The following FSTL5 variants were observed in gnomAD, a reference collection of about 807,000 sequenced individuals.
FSTL5 encodes the protein follistatin like 5.
In FSTL5, 62 loss-of-function variants were observed where a neutral mutation model predicts 89.1. The ratio of observed to expected loss-of-function variants is 0.70; its 90% CI spans 0.57 to 0.86. The LOEUF (loss-of-function observed/expected upper bound fraction) is 0.86, where lower values mean the gene tolerates loss of function less well. Ranked by LOEUF, FSTL5 falls within the 40% of genes least tolerant of loss-of-function variation. The pLI is 0.00. For missense variants in FSTL5, 1,057 were observed against 1,001.6 expected (o/e 1.06, Z -0.75); for synonymous variants, 383 against 346.2 (o/e 1.11, Z -1.18).
At chr4:161,611,790 A>T (rs930177466) in intron 7 of FSTL5, among the ~76,000 whole-genome samples, 32 of 152,206 alleles carry the variant, frequency 2.1e-4, no homozygotes, top group Admixed American at 5.9e-4. Context: ...CAGAAATAGA[A>T]ATGTTGAAAA....
intron 6 of FSTL5, among the ~76,000 whole-genome samples, chr4:161,659,794 C>T (rs1299442252): frequency 6.6e-6 from 1 of 152,182 alleles, no homozygotes; most frequent in African/African-American, 2.4e-5. Context: ...CTTTTATTAA[C>T]TATGGTTAAT....
At chr4:161,928,594 T>C (rs1034456501) in intron 3 of FSTL5, among the ~76,000 whole-genome samples, 1 of 151,808 alleles carries the variant, frequency 6.6e-6, no homozygotes, top group Non-Finnish European at 1.5e-5. Context: ...GTCTGCAATG[T>C]TTTGGATTTT....
At chr4:161,829,851 A>G (rs1050106169) in intron 4 of FSTL5, among the ~76,000 whole-genome samples, 2 of 152,070 alleles carry the variant, frequency 1.3e-5, no homozygotes, top group African/African-American at 4.8e-5. Context: ...CATCCTGCCA[A>G]TTTTCCTTAA....
chr4:161,740,761 G>A (rs569755211), intron 6 of FSTL5, among the ~76,000 whole-genome samples: 94 of 152,298 alleles, frequency 6.2e-4, no homozygotes, highest in African/African-American at 2.2e-3. Flanking sequence ...ATCATATTAT[G>A]TACTCAAATA....
intron 14 of FSTL5, among the ~76,000 whole-genome samples, chr4:161,458,628 CA>C (rs1733449445): frequency 6.6e-6 from 1 of 152,114 alleles, no homozygotes; most frequent in Non-Finnish European, 1.5e-5. Context: ...TTTCCAGGGC[CA>C]AAAACTCCTT....
intron 3 of FSTL5, among the ~76,000 whole-genome samples, chr4:162,030,996 A>G (rs1212620787): frequency 6.6e-6 from 1 of 152,180 alleles, no homozygotes; most frequent in Non-Finnish European, 1.5e-5. Flanking sequence ...TTAATGTACA[A>G]TATTTTAACA....
intron 6 of FSTL5, among the ~76,000 whole-genome samples, chr4:161,721,717 C>T (rs1272524430): frequency 6.6e-6 from 1 of 152,138 alleles, no homozygotes; most frequent in Non-Finnish European, 1.5e-5. Context: ...ATATAAGTCA[C>T]ACTGCGTCAG....
At chr4:162,098,317 T>C (rs1254800743) in intron 2 of FSTL5, among the ~76,000 whole-genome samples, 1 of 151,882 alleles carries the variant, frequency 6.6e-6, no homozygotes, top group Non-Finnish European at 1.5e-5. Flanking sequence ...CTAGAAGAAA[T>C]GGAAGCGGAG....
At chr4:161,726,542 A>C (rs966122760) in intron 6 of FSTL5, among the ~76,000 whole-genome samples, 5 of 151,948 alleles carry the variant, frequency 3.3e-5, no homozygotes, top group African/African-American at 9.7e-5. Flanking sequence ...TGCAACTCTC[A>C]ATACCGTAAA....
intron 4 of FSTL5, among the ~76,000 whole-genome samples, chr4:161,799,219 G>A (rs545425168): frequency 4.0e-4 from 61 of 151,584 alleles, no homozygotes; most frequent in Non-Finnish European, 6.7e-4. Flanking sequence ...AAGAGCTTGC[G>A]GCAGTTTATA....
At chr4:161,998,945 C>A (rs544435151) in intron 3 of FSTL5, among the ~76,000 whole-genome samples, 110 of 151,654 alleles carry the variant, frequency 7.3e-4, no homozygotes, top group Non-Finnish European at 1.3e-3. Context: ...TTTTGTCAGT[C>A]TAAAGATCTC....
At chr4:162,096,102 T>C (rs1308214276) in intron 2 of FSTL5, among the ~76,000 whole-genome samples, 1 of 151,952 alleles carries the variant, frequency 6.6e-6, no homozygotes, top group African/African-American at 2.4e-5. Flanking sequence ...CCAGTGATGC[T>C]TTTGTAGTAG....
Position 161,542,524 on chromosome 4 carries a change from A to T in FSTL5, c.1177+8T>A, listed in dbSNP as rs1411894530. 7.0e-7 allele frequency: 1 copy of T among 1,425,790 alleles called. No individual in the cohort carries two copies. Among genetic ancestry groups the T allele is most frequent in the African/African-American group, 1.5e-5 (1 of 68,454 alleles). The allele number at this position is 1,425,790 out of a possible 1,614,324, so 88.3% of individuals were successfully genotyped here. The stretch of plus-strand genomic sequence containing the variant: ...CATTTAAGAGAAAAAAAAGCAAGTA[A>T]AAAGCACCTTGAAGCGTGAGTTGTT... On this transcript the variant is annotated splice_region_variant and intron_variant, in intron 9 of 15. Transcript: ENST00000306100.
chr4:161,981,920 T>C (rs1735837923), intron 3 of FSTL5, among the ~76,000 whole-genome samples: 1 of 152,238 alleles, frequency 6.6e-6, no homozygotes, highest in Non-Finnish European at 1.5e-5. Context: ...AAAATAACTT[T>C]AGTTACCTCA....
chr4:162,108,999 T>A (rs984258175), intron 2 of FSTL5, among the ~76,000 whole-genome samples: 1 of 151,984 alleles, frequency 6.6e-6, no homozygotes, highest in Admixed American at 6.6e-5. Context: ...TCTTGACAAA[T>A]GGTGTCGAGT....
chr4:161,721,633 A>G (rs1248272991), intron 6 of FSTL5, among the ~76,000 whole-genome samples: 5 of 152,146 alleles, frequency 3.3e-5, no homozygotes, highest in African/African-American at 4.8e-5. Flanking sequence ...TCCTATGTCA[A>G]CTTCTTCATT....
At chr4:161,888,476 G>T (rs1326114300) in intron 4 of FSTL5, among the ~76,000 whole-genome samples, 1 of 152,142 alleles carries the variant, frequency 6.6e-6, no homozygotes, top group Non-Finnish European at 1.5e-5. Context: ...GTTAGGAATT[G>T]TTTGTTACAG....
At chr4:161,450,831 C>T (rs1185441800) in intron 15 of FSTL5, among the ~76,000 whole-genome samples, 1 of 151,510 alleles carries the variant, frequency 6.6e-6, no homozygotes, top group Non-Finnish European at 1.5e-5. Context: ...CAAGATCCAC[C>T]CTCCCAGGTT....
At chr4:161,784,944 T>C (rs1356541778) in intron 4 of FSTL5, among the ~76,000 whole-genome samples, 1 of 150,254 alleles carries the variant, frequency 6.7e-6, no homozygotes, top group Non-Finnish European at 1.5e-5. Context: ...TATCCACATC[T>C]ATGAAATCAT....
Sources: gnomAD v4.1 joint callset for allele counts (sites outside exome capture counted in the v4.1 genomes callset) on GRCh38, gnomAD v4.1.1 for gene constraint, MANE v1.5 for transcripts, NCBI Gene and HGNC (gene_info 2026-07-23, HGNC 2026-07-21) for gene names.